Variants in SMARCAL1 observed in about 807,000 individuals in gnomAD.
The protein encoded by SMARCAL1 is SNF2 related chromatin remodeling annealing helicase 1.
A neutral mutation model predicts 94.5 loss-of-function variants in SMARCAL1; 58 were observed. That is an observed-to-expected ratio of 0.61 (90% CI 0.50 to 0.76). The LOEUF (loss-of-function observed/expected upper bound fraction) is 0.76. Among genes scored for constraint, SMARCAL1 ranks in the 30% least tolerant of loss-of-function variants. SMARCAL1 has a pLI of 0.00. For missense variants in SMARCAL1, 1,051 were observed against 1,177.9 expected (o/e 0.89, Z 1.58); for synonymous variants, 422 against 455.1 (o/e 0.93, Z 0.93).
At chr2:216,416,029 G>C (rs1158150243) in intron 3 of SMARCAL1, 1 of 502,184 alleles carries the variant, frequency 2.0e-6, no homozygotes, top group African/African-American at 1.9e-5. Flanking sequence ...AGTCCTCTTA[G>C]GTGAAGTTCA....
At chr2:216,451,784 A>G (rs557032086) in intron 12 of SMARCAL1, among the ~76,000 whole-genome samples, 1 of 152,292 alleles carries the variant, frequency 6.6e-6, no homozygotes, top group Admixed American at 6.5e-5. Context: ...AAGTGCTATA[A>G]TCTACACCAG....
In SMARCAL1 at chr2:216,449,686, C is replaced by T. The variant is rs147995190; in HGVS notation, c.1852-1160C>T. Among the ~76,000 whole-genome samples, 494 of 152,270 alleles carry T rather than the reference C, an allele frequency of 3.2e-3. 2 individuals carry two copies. The highest frequency in any genetic ancestry group is 0.012 in the African/African-American group (481 of 41,556). On this transcript the variant is annotated intron_variant, in intron 11 of 17. Coordinates refer to ENST00000357276, the MANE Select transcript of SMARCAL1 (RefSeq NM_014140.4). Reference sequence around the variant, plus strand: ...ATAATGGGAAAACCTAGCCCCTACCCTCAGGTAGCTAGCTCATCAGCCAGG... The same window carrying T: ...ATAATGGGAAAACCTAGCCCCTACCTTCAGGTAGCTAGCTCATCAGCCAGG...
At chr2:216,447,548 A>G (rs542746456) in intron 11 of SMARCAL1, among the ~76,000 whole-genome samples, 1 of 152,156 alleles carries the variant, frequency 6.6e-6, no homozygotes, top group South Asian at 2.1e-4. Context: ...AGATGCTGGC[A>G]CTGAGGTGAG....
intron 9 of SMARCAL1, among the ~76,000 whole-genome samples, chr2:216,436,389 A>T (rs1478989499): frequency 6.6e-6 from 1 of 152,216 alleles, no homozygotes; most frequent in Admixed American, 6.5e-5. Flanking sequence ...GTCTAGACAG[A>T]CTTGGTACCC....
At chr2:216,434,668 C>G (rs1694038924) in intron 8 of SMARCAL1, among the ~76,000 whole-genome samples, 1 of 135,742 alleles carries the variant, frequency 7.4e-6, no homozygotes, top group African/African-American at 3.0e-5. Context: ...AGACCCATCT[C>G]TTTGAAAAAA....
intron 12 of SMARCAL1, among the ~76,000 whole-genome samples, chr2:216,458,030 A>G (rs1253759547): frequency 6.6e-6 from 1 of 152,216 alleles, no homozygotes; most frequent in Non-Finnish European, 1.5e-5. Flanking sequence ...AGAAATACAA[A>G]CTACCATCAG....
chr2:216,426,084 ACTC>A (rs1256824510), intron 6 of SMARCAL1, among the ~76,000 whole-genome samples: 1 of 151,380 alleles, frequency 6.6e-6, no homozygotes, highest in African/African-American at 2.4e-5. Context: ...CTGGTCTTGA[ACTC>A]CTGGCCTCAA....
Position 216,415,354 on chromosome 2 carries a change from G to C in SMARCAL1, c.650G>C (p.Arg217Thr), listed in dbSNP as rs1156684141. The C allele has an allele frequency of 1.9e-6, 3 of 1,614,068 alleles. No homozygotes were observed. The highest frequency in any genetic ancestry group is 2.7e-5 in the African/African-American group (2 of 74,918). ...TCTAGCTCAGAGAGTGTAACGCCCA[G>C]GACAGAAGGAAGACTCCAGCAGAAG... Reference protein sequence around the residue: ...IHSSSESVTPRTEGRLQQKSG... With the variant: ...IHSSSESVTPTTEGRLQQKSG... The change falls in exon 3 of 18, where the codon AGG (arginine) becomes ACG (threonine). Residue 217 changes from arginine (R) to threonine (T), a missense_variant. Arg to Thr is a moderately conservative substitution (Grantham distance 71). This residue lies in a region of SMARCAL1 where 398 missense variants were observed against 395.2 expected (regional missense o/e 1.01). Coordinates refer to ENST00000357276, the MANE Select transcript of SMARCAL1 (RefSeq NM_014140.4).
intron 17 of SMARCAL1, among the ~76,000 whole-genome samples, chr2:216,479,698 T>C (rs1464476933): frequency 6.6e-6 from 1 of 152,188 alleles, no homozygotes; most frequent in African/African-American, 2.4e-5. Flanking sequence ...TTTTAAGCTT[T>C]TTAAAGAACT....
intron 5 of SMARCAL1, among the ~76,000 whole-genome samples, chr2:216,422,934 A>G (rs145804249): frequency 2.6e-5 from 4 of 152,384 alleles, no homozygotes; most frequent in African/African-American, 9.6e-5. Context: ...AGATGATGTA[A>G]TAATCCCACT....
chr2:216,434,906 C>T (rs1345698266), intron 8 of SMARCAL1, among the ~76,000 whole-genome samples: 8 of 147,222 alleles, frequency 5.4e-5, no homozygotes, highest in African/African-American at 7.6e-5. Context: ...TTGCCCAGGC[C>T]GGAGTGCAAT....
At chr2:216,435,307 T>C in intron 8 of SMARCAL1, 31 bp from the exon 9 acceptor site, 2 of 1,613,416 alleles carry the variant, frequency 1.2e-6, no homozygotes, top group Non-Finnish European at 1.7e-6. Context: ...TGGGTGGTCA[T>C]TGTAGCTTTG....
rs1336702597 is a variant in SMARCAL1 at position 216,475,039 on chromosome 2, C to T, written c.2245-230C>T. ...CTATAGTTTTTATAGAATGTTACCA[C>T]TGCAGGAAACTGGGCAAAGGCCTAA... On this transcript the variant is annotated intron_variant, in intron 14 of 17. Transcript: ENST00000357276. The surrounding 1 kb of genome is among the most constrained non-coding windows in gnomAD (Gnocchi z 4.4). 1.3e-5 allele frequency among the ~76,000 whole-genome samples: 2 copies of T among 152,228 alleles called. No homozygotes were observed. The highest frequency in any genetic ancestry group is 3.8e-4 in the East Asian group (2 of 5,204).
intron 12 of SMARCAL1, among the ~76,000 whole-genome samples, chr2:216,452,881 T>C (rs1694480546): frequency 6.6e-6 from 1 of 152,182 alleles, no homozygotes; most frequent in East Asian, 1.9e-4. Context: ...CTGAGCTTGT[T>C]GGTGATGCTA....
In SMARCAL1 at chr2:216,475,488, T is replaced by C. The variant is rs372422359; in HGVS notation, c.2427+37T>C. On this transcript the variant is annotated intron_variant, in intron 15 of 17. Transcript: ENST00000357276. The surrounding 1 kb of genome is among the most constrained non-coding windows in gnomAD (Gnocchi z 4.4). The stretch of plus-strand genomic sequence containing the variant: ...AGAAGACTCAGATACTCCCCAGGCA[T>C]GCTCATGGCTGTGGGCAGGAAGCAG... 1.4e-5 allele frequency: 23 copies of C among 1,605,940 alleles called. No homozygotes were observed. In the African/African-American group the frequency reaches 2.5e-4, roughly 18 times the overall value.
At chr2:216,457,298 A>C (rs1694588709) in intron 12 of SMARCAL1, among the ~76,000 whole-genome samples, 1 of 152,240 alleles carries the variant, frequency 6.6e-6, no homozygotes, top group Non-Finnish European at 1.5e-5. Flanking sequence ...AAAGTTAACA[A>C]GGATATCCTG....
chr2:216,445,685 G>A (rs1694298893), intron 10 of SMARCAL1, among the ~76,000 whole-genome samples: 1 of 152,166 alleles, frequency 6.6e-6, no homozygotes, highest in Non-Finnish European at 1.5e-5. Flanking sequence ...TTATTTTAAT[G>A]AGTCTGCATT....
At chr2:216,440,576 G>A (rs1275650663) in intron 10 of SMARCAL1, among the ~76,000 whole-genome samples, 1 of 152,148 alleles carries the variant, frequency 6.6e-6, no homozygotes, top group Non-Finnish European at 1.5e-5. Context: ...CATGGCCTGT[G>A]TTTATGAAGG....
At chr2:216,429,018 A>G (rs1000736630) in intron 7 of SMARCAL1, among the ~76,000 whole-genome samples, 3 of 152,214 alleles carry the variant, frequency 2.0e-5, no homozygotes, top group African/African-American at 7.2e-5. Context: ...CAGAAACCCA[A>G]TTCAAATTAG....
Sources: allele counts gnomAD v4.1 joint callset (sites outside exome capture counted in the v4.1 genomes callset), GRCh38; gene constraint gnomAD v4.1.1; regional missense constraint gnomAD v4.1.1; non-coding constraint Gnocchi (gnomAD v3.1); transcripts MANE v1.5; gene names NCBI Gene and HGNC (gene_info 2026-07-23, HGNC 2026-07-21).